The following GOLGA6D variants were observed in gnomAD, a reference collection of about 807,000 sequenced individuals.
The protein encoded by GOLGA6D is golgin subfamily A member 6D.
GOLGA6D carries 9 observed loss-of-function variants against 42.1 expected under a neutral mutation model. That is an observed-to-expected ratio of 0.21 (90% CI 0.13 to 0.37). The LOEUF (loss-of-function observed/expected upper bound fraction) is 0.37. Among genes scored for constraint, GOLGA6D ranks in the 10% least tolerant of loss-of-function variants. The probability of loss-of-function intolerance (pLI) is 1.00; values close to 1 mark genes in which losing one functional copy is unlikely to be tolerated. For missense variants in GOLGA6D, 87 were observed against 420.8 expected, an observed-to-expected ratio of 0.21 and a Z score of 6.94; for synonymous variants, 39 against 167.3, an observed-to-expected ratio of 0.23 and a Z score of 5.92.
upstream of GOLGA6D, among the ~76,000 whole-genome samples, chr15:75,278,659 C>T (rs2070836140): frequency 2.0e-5 from 3 of 151,868 alleles, no homozygotes; most frequent in South Asian, 6.2e-4. Flanking sequence ...TTGGGCCTCC[C>T]TTCCAAATCT....
chr15:75,284,875 TG>T (rs2070849172), intron 2 of GOLGA6D, 106 bp downstream of exon 2: 1 of 61,436 alleles, frequency 1.6e-5, no homozygotes, highest in Non-Finnish European at 2.7e-5. Context: ...GTTTGAATCC[TG>T]CTTCTTCATC....
chr15:75,279,060 A>G (rs2070838405), upstream of GOLGA6D, among the ~76,000 whole-genome samples: 1 of 146,692 alleles, frequency 6.8e-6, no homozygotes, highest in Admixed American at 7.0e-5. Flanking sequence ...CAAAGTTTAA[A>G]TGTTCTCTGC....
At chr15:75,290,340 TG>T in intron 10 of GOLGA6D, 40 bp from the exon 11 acceptor site, 2 of 1,094,434 alleles carry the variant, frequency 1.8e-6, no homozygotes, top group Non-Finnish European at 2.4e-6. Context: ...GTAGAGGGGT[TG>T]GGGAATCCAG....
At chr15:75,276,221 C>T in the GOLGA6D span, among the ~76,000 whole-genome samples, 1 of 151,728 alleles carries the variant, frequency 6.6e-6, no homozygotes, top group Non-Finnish European at 1.5e-5. Flanking sequence ...ACCCACATTC[C>T]CTGCCCCTCA....
upstream of GOLGA6D, among the ~76,000 whole-genome samples, chr15:75,277,874 C>G (rs1167544085): frequency 6.7e-6 from 1 of 150,022 alleles, no homozygotes; most frequent in Non-Finnish European, 1.5e-5. Flanking sequence ...AGAAAAAGGT[C>G]GAGACAGTGT....
intron 7 of GOLGA6D, 96 bp from the exon 8 acceptor site, chr15:75,289,301 T>C: frequency 9.0e-7 from 1 of 1,107,738 alleles, no homozygotes; most frequent in Non-Finnish European, 1.3e-6. Flanking sequence ...GCCTTGACCT[T>C]TACTGACCGA....
the GOLGA6D span, among the ~76,000 whole-genome samples, chr15:75,277,764 T>C: frequency 6.7e-6 from 1 of 148,862 alleles, no homozygotes; most frequent in African/African-American, 2.5e-5. Context: ...GATCCACCAC[T>C]CCACTGCAGC....
chr15:75,279,019 C>T (rs1216118839), upstream of GOLGA6D, among the ~76,000 whole-genome samples: 3 of 148,168 alleles, frequency 2.0e-5, no homozygotes, highest in African/African-American at 5.1e-5. Context: ...TGTGTTCCAG[C>T]GGTTTCATTT....
At position 75,294,550 on chromosome 15, in the gene GOLGA6D, C is replaced by T; in HGVS notation, c.*75C>T. 1.6e-6 allele frequency: 2 copies of T among 1,283,838 alleles called. No individual in the cohort carries two copies. The highest frequency in any genetic ancestry group is 2.1e-6 in the Non-Finnish European group (2 of 934,732). The allele number at this position is 1,283,838 out of a possible 1,614,324, so 79.5% of individuals were successfully genotyped here. A position where few individuals can be genotyped will look rare whatever the true frequency, so the allele number is the denominator to read the frequency against. On this transcript the variant is annotated 3_prime_UTR_variant, in exon 18 of 18. Transcript: ENST00000434739. Reference sequence around the variant, plus strand: ...CAGCCGAGAACAGGGAGATAAACATCATCATCTTCTAAGAGCTGGTCAAGA... The same window carrying T: ...CAGCCGAGAACAGGGAGATAAACATTATCATCTTCTAAGAGCTGGTCAAGA...
chr15:75,294,286 G>A (rs1436202968), intron 17 of GOLGA6D, 25 bp downstream of exon 17: 3 of 1,519,180 alleles, frequency 2.0e-6, no homozygotes, highest in South Asian at 1.2e-5. Flanking sequence ...CAGGCGGGGT[G>A]GGCAGGCAGG....
the GOLGA6D span, among the ~76,000 whole-genome samples, chr15:75,277,266 TAG>T: frequency 1.1e-5 from 1 of 88,058 alleles, no homozygotes; most frequent in East Asian, 2.7e-4. Context: ...CTCCCTGCAG[TAG>T]GGGGCTGCAG....
chr15:75,278,685 C>A (rs1376209566), upstream of GOLGA6D, among the ~76,000 whole-genome samples: 1 of 151,712 alleles, frequency 6.6e-6, no homozygotes, highest in Non-Finnish European at 1.5e-5. Context: ...ACAAAGGCAG[C>A]AGGATCTTTA....
upstream of GOLGA6D, among the ~76,000 whole-genome samples, chr15:75,278,826 C>T (rs537047448): frequency 2.2e-4 from 33 of 151,720 alleles, no homozygotes; most frequent in African/African-American, 7.8e-4. Flanking sequence ...GACACATGCT[C>T]ATACTTATTA....
rs747343640 is a variant in GOLGA6D, at chr15:75,294,508, G to A, written c.*33G>A. On this transcript the variant is annotated 3_prime_UTR_variant, in exon 18 of 18. Coordinates refer to ENST00000434739, the MANE Select transcript of GOLGA6D (RefSeq NM_001145224.3). ...CAGGCTTGCCCAGCAAACCCTGCGT[G>A]CCATTCTTCTACCAGGCAGCCGAGA... is the stretch of plus-strand genomic sequence containing the variant. The A allele has an allele frequency of 5.9e-6, 9 of 1,526,650 alleles. No individual in the cohort carries two copies. In the African/African-American group the frequency reaches 1.5e-4, roughly 25 times the overall value. The allele number at this position is 1,526,650 out of a possible 1,614,324, so 94.6% of individuals were successfully genotyped here.
chr15:75,288,683 C>A lies in GOLGA6D; in HGVS notation c.564+319C>A, dbSNP rs1478138902. 2.6e-3 allele frequency among the ~76,000 whole-genome samples: 334 copies of A among 129,072 alleles called. 4 individuals are homozygous for A. The highest frequency in any genetic ancestry group is 5.6e-3 in the East Asian group (25 of 4,444). 84.7% of individuals were successfully genotyped at this position (129,072 alleles called of 152,430 possible). A position where few individuals can be genotyped will look rare whatever the true frequency, so the allele number is the denominator to read the frequency against. The stretch of plus-strand genomic sequence containing the variant: ...GTTCTGTGAAGGTACAGAAGAGCAC[C>A]TTTAGTATGTTACCATTTCTGTAGA... On this transcript the variant is annotated intron_variant, in intron 7 of 17. Coordinates refer to ENST00000434739, the MANE Select transcript of GOLGA6D (RefSeq NM_001145224.3).
chr15:75,278,674 A>C (rs1461767812), upstream of GOLGA6D, among the ~76,000 whole-genome samples: 10 of 151,788 alleles, frequency 6.6e-5, no homozygotes, highest in South Asian at 2.1e-4. Flanking sequence ...AAATCTGCCT[A>C]ACAAAGGCAG....
upstream of GOLGA6D, among the ~76,000 whole-genome samples, chr15:75,278,260 CT>C (rs2070833578): frequency 1.0e-5 from 1 of 98,082 alleles, no homozygotes; most frequent in East Asian, 2.5e-4. Context: ...GCATTTAACA[CT>C]TTATTGAGAT....
At chr15:75,276,137 G>A in the GOLGA6D span, among the ~76,000 whole-genome samples, 2 of 151,744 alleles carry the variant, frequency 1.3e-5, no homozygotes, top group South Asian at 2.1e-4. Context: ...GTGGGCTGGA[G>A]GTGTGTCTTG....
upstream of GOLGA6D, among the ~76,000 whole-genome samples, chr15:75,279,030 A>G (rs895390465): frequency 6.8e-6 from 1 of 148,138 alleles, no homozygotes; most frequent in African/African-American, 2.5e-5. Context: ...GGTTTCATTT[A>G]GACCACGGGA....
Sources: allele counts gnomAD v4.1 joint callset (sites outside exome capture counted in the v4.1 genomes callset), GRCh38; gene constraint gnomAD v4.1.1; transcripts MANE v1.5; gene names NCBI Gene and HGNC (gene_info 2026-07-23, HGNC 2026-07-21).